The following DPP10 variants were observed in gnomAD, a reference collection of about 807,000 sequenced individuals.
DPP10 encodes the protein dipeptidyl peptidase like 10.
Under a neutral mutation model 120.9 loss-of-function variants are expected in DPP10, and 33 were observed. That is an observed-to-expected ratio of 0.27 (90% CI 0.21 to 0.37). DPP10 has a LOEUF of 0.37. Among genes scored for constraint, DPP10 ranks in the 10% least tolerant of loss-of-function variants. The pLI is 1.00. For missense variants in DPP10, 816 were observed against 942.8 expected (o/e 0.87, Z 1.76); for synonymous variants, 337 against 326.1 (o/e 1.03, Z -0.36).
At chr2:115,001,033 T>A (rs1021774117) in intron 1 of DPP10, among the ~76,000 whole-genome samples, 4 of 152,194 alleles carry the variant, frequency 2.6e-5, no homozygotes, top group African/African-American at 9.7e-5. Context: ...CAAGAAAATG[T>A]AGAACCTATC....
chr2:114,843,099 C>G (rs1416479051), intron 1 of DPP10, among the ~76,000 whole-genome samples: 6 of 152,118 alleles, frequency 3.9e-5, no homozygotes, highest in Non-Finnish European at 4.4e-5. Flanking sequence ...GAGACTCTTG[C>G]TATGAATATG....
In DPP10 at chr2:115,170,023, G is replaced by C. The variant is rs77472469; in HGVS notation, c.61-139216G>C. ...ATCTGTATTACGTAATCAAGAACTT[G>C]AGTGGCAGGCTGCCCTGTGATTTAT... On this transcript the variant is annotated intron_variant, in intron 1 of 25. Coordinates refer to ENST00000410059, the MANE Select transcript of DPP10 (RefSeq NM_020868.6). Among the ~76,000 whole-genome samples the C allele has an allele frequency of 0.01, 1,540 of 152,262 alleles. 90 individuals carry two copies. In the East Asian group the frequency reaches 0.16, roughly 15 times the overall value.
chr2:114,950,417 C>G (rs1252415029), intron 1 of DPP10, among the ~76,000 whole-genome samples: 2 of 150,876 alleles, frequency 1.3e-5, no homozygotes, highest in Non-Finnish European at 2.9e-5. Context: ...GCCTCAGCCT[C>G]CTGAGTAGCT....
intron 5 of DPP10, among the ~76,000 whole-genome samples, chr2:115,543,533 A>G (rs1465888326): frequency 1.3e-5 from 2 of 152,002 alleles, no homozygotes; most frequent in Admixed American, 1.3e-4. Context: ...TAGATATTTG[A>G]TTTCTTTAAT....
chr2:114,631,021 C>G (rs1573836401), intron 1 of DPP10, among the ~76,000 whole-genome samples: 1 of 152,076 alleles, frequency 6.6e-6, no homozygotes, highest in South Asian at 2.1e-4. Context: ...GCCAGTTATT[C>G]TCATTCAGGA....
At chr2:114,731,710 T>A (rs1676932335) in intron 1 of DPP10, among the ~76,000 whole-genome samples, 1 of 152,004 alleles carries the variant, frequency 6.6e-6, no homozygotes, top group Non-Finnish European at 1.5e-5. Flanking sequence ...ACAAAACACA[T>A]GAAATAGCAG....
At position 114,802,051 on chromosome 2, in the gene DPP10, TAAG is replaced by T. The variant is rs796569598; in HGVS notation, c.60+359217_60+359219del. On this transcript the variant is annotated intron_variant, in intron 1 of 25. Coordinates refer to ENST00000410059, the MANE Select transcript of DPP10 (RefSeq NM_020868.6). ...AATATGGCATTAGACATAGAAGAGT[TAAG>T]AAGCTCAAGAATCAGTCTAGGATTA... Among the ~76,000 whole-genome samples the T allele has an allele frequency of 2.2e-4, 33 of 152,332 alleles. 2 individuals carry two copies. The highest frequency in any genetic ancestry group is 7.9e-4 in the African/African-American group (33 of 41,580).
At chr2:115,378,930 G>A (rs1375336378) in intron 3 of DPP10, among the ~76,000 whole-genome samples, 1 of 152,150 alleles carries the variant, frequency 6.6e-6, no homozygotes, top group East Asian at 1.9e-4. Context: ...TAAGCTTTTT[G>A]ATGTGCTGCT....
intron 3 of DPP10, among the ~76,000 whole-genome samples, chr2:115,453,766 A>G (rs1475375424): frequency 6.6e-6 from 1 of 151,510 alleles, no homozygotes. Flanking sequence ...AAGCAAACAG[A>G]AGGAAGAAAA....
intron 1 of DPP10, among the ~76,000 whole-genome samples, chr2:115,261,095 A>G (rs905835337): frequency 1.4e-4 from 21 of 152,226 alleles, no homozygotes; most frequent in Non-Finnish European, 5.9e-5. Context: ...TATAATTATG[A>G]GGAGGAGCTA....
At chr2:114,609,021 T>C (rs1168349936) in intron 1 of DPP10, among the ~76,000 whole-genome samples, 1 of 152,058 alleles carries the variant, frequency 6.6e-6, no homozygotes, top group Non-Finnish European at 1.5e-5. Flanking sequence ...AACGTGTGCA[T>C]ATACCCCAAG....
At chr2:115,193,364 C>T (rs2055018890) in intron 1 of DPP10, among the ~76,000 whole-genome samples, 1 of 152,122 alleles carries the variant, frequency 6.6e-6, no homozygotes, top group African/African-American at 2.4e-5. Context: ...TCCTTTATGT[C>T]TGTGGACTAG....
chr2:115,424,549 C>G lies in DPP10; in HGVS notation c.272-74961C>G, dbSNP rs571451547. Among the ~76,000 whole-genome samples the G allele has an allele frequency of 2.2e-4, 33 of 151,944 alleles. No homozygotes were observed. In the East Asian group the frequency reaches 5.8e-3, roughly 27 times the overall value. On this transcript the variant is annotated intron_variant, in intron 3 of 25. Coordinates refer to ENST00000410059, the MANE Select transcript of DPP10 (RefSeq NM_020868.6). ...AACTATTGACATGGCTCCTAGAAGT[C>G]TGTTGAATCCAATTATTGCTTTGTA...
At chr2:114,478,631 G>A (rs1680727745) in intron 1 of DPP10, among the ~76,000 whole-genome samples, 1 of 151,998 alleles carries the variant, frequency 6.6e-6, no homozygotes, top group African/African-American at 2.4e-5. Flanking sequence ...CATACAAATT[G>A]TAAAGAAAAT....
intron 5 of DPP10, among the ~76,000 whole-genome samples, chr2:115,640,107 T>TA (rs1404232692): frequency 2.6e-5 from 4 of 151,860 alleles, no homozygotes; most frequent in East Asian, 3.9e-4. Flanking sequence ...TTGAATGGAG[T>TA]AAAAGGCTTC....
chr2:115,406,009 G>A (rs539073408), intron 3 of DPP10, among the ~76,000 whole-genome samples: 5 of 152,294 alleles, frequency 3.3e-5, no homozygotes, highest in East Asian at 1.9e-4. Context: ...TTGCTGTACC[G>A]CACCCTTGGC....
At chr2:115,359,821 A>G (rs1171263301) in intron 3 of DPP10, among the ~76,000 whole-genome samples, 1 of 151,798 alleles carries the variant, frequency 6.6e-6, no homozygotes, top group African/African-American at 2.4e-5. Context: ...AATTTTTTTT[A>G]ATTTATATTT....
intron 13 of DPP10, among the ~76,000 whole-genome samples, chr2:115,769,578 T>C (rs1681204368): frequency 6.6e-6 from 1 of 151,998 alleles, no homozygotes; most frequent in Admixed American, 6.6e-5. Context: ...TTTCATAGTA[T>C]ATTATTAAGG....
chr2:114,948,401 CTT>C (rs1198289929), intron 1 of DPP10, among the ~76,000 whole-genome samples: 1 of 151,676 alleles, frequency 6.6e-6, no homozygotes, highest in Non-Finnish European at 1.5e-5. Flanking sequence ...TTATTTTACC[CTT>C]ATATAGTTTG....
Sources: allele counts gnomAD v4.1 joint callset (sites outside exome capture counted in the v4.1 genomes callset), GRCh38; gene constraint gnomAD v4.1.1; transcripts MANE v1.5; gene names NCBI Gene and HGNC (gene_info 2026-07-23, HGNC 2026-07-21).